PEPD: variants seen among roughly 807,000 people sequenced by gnomAD.
PEPD encodes the protein peptidase D.
A neutral mutation model predicts 60.7 loss-of-function variants in PEPD; 53 were observed. That is an observed-to-expected ratio of 0.87 (90% CI 0.70 to 1.10). The LOEUF (loss-of-function observed/expected upper bound fraction) is 1.10, where lower values mean the gene tolerates loss of function less well. Among genes scored for constraint, PEPD ranks in the 50% least tolerant of loss-of-function variants. PEPD has a pLI of 0.00. For synonymous variants in PEPD, 267 were observed against 284.1 expected (o/e 0.94, Z 0.60); for missense variants, 711 against 711.9 (o/e 1.00, Z 0.01).
chr19:33,404,436 G>T (rs972908884), intron 11 of PEPD, among the ~76,000 whole-genome samples: 2 of 148,712 alleles, frequency 1.3e-5, no homozygotes, highest in Non-Finnish European at 3.0e-5. Flanking sequence ...AGAAAAAGCA[G>T]AAACTGAACT....
chr19:33,507,758 TC>T (rs1970840756), intron 3 of PEPD, among the ~76,000 whole-genome samples: 1 of 152,076 alleles, frequency 6.6e-6, no homozygotes, highest in East Asian at 1.9e-4. Context: ...ATCTGGCCAC[TC>T]CCCAGCTCCA....
chr19:33,495,238 T>C (rs199737494), intron 4 of PEPD, among the ~76,000 whole-genome samples: 1 of 152,018 alleles, frequency 6.6e-6, no homozygotes, highest in East Asian at 1.9e-4. Flanking sequence ...CCAGCCACAG[T>C]GGATCATGCT....
At chr19:33,422,077 T>G (rs574160527) in intron 9 of PEPD, among the ~76,000 whole-genome samples, 1 of 152,218 alleles carries the variant, frequency 6.6e-6, no homozygotes, top group Admixed American at 6.5e-5. Context: ...ACCTCCCCCT[T>G]ACTCCCCTGT....
intron 3 of PEPD, among the ~76,000 whole-genome samples, chr19:33,508,585 C>T (rs537324850): frequency 5.9e-5 from 9 of 152,322 alleles, no homozygotes; most frequent in Admixed American, 1.3e-4. Flanking sequence ...GCCTCATGCA[C>T]GCTGGCGGCT....
chr19:33,416,262 T>C (rs1308461916), intron 9 of PEPD, among the ~76,000 whole-genome samples: 1 of 152,156 alleles, frequency 6.6e-6, no homozygotes, highest in Non-Finnish European at 1.5e-5. Context: ...GTCCCGTGGA[T>C]GACCGACATG....
At chr19:33,435,105 C>CCA (rs1969349655) in intron 9 of PEPD, among the ~76,000 whole-genome samples, 1 of 152,170 alleles carries the variant, frequency 6.6e-6, no homozygotes, top group African/African-American at 2.4e-5. Context: ...AATGAGGTGG[C>CCA]TGAGACGGTA....
At chr19:33,403,308 G>C (rs1968546105) in intron 11 of PEPD, among the ~76,000 whole-genome samples, 1 of 152,206 alleles carries the variant, frequency 6.6e-6, no homozygotes, top group South Asian at 2.1e-4. Context: ...TCTAGCCCTA[G>C]GACCAGAGCC....
chr19:33,521,750 G>A lies in PEPD; in HGVS notation c.11C>T (p.Ala4Val). The A allele has an allele frequency of 6.3e-7, 1 of 1,576,800 alleles. No individual in the cohort carries two copies. Among genetic ancestry groups the A allele is most frequent in the Non-Finnish European group, 8.6e-7 (1 of 1,166,910 alleles). ...AGGGAGGCGCAGCACTCACCCGGTG[G>A]CCGCCGCCATGTTCGCCCGGCACCG... MAAATGPSFWLGNE... is the reference protein window; with the variant it reads MAAVTGPSFWLGNE... The change falls in exon 1 of 15, where the codon GCC (alanine) becomes GTC (valine). Residue 4 changes from alanine (A) to valine (V), a missense_variant. By Grantham distance (64) the Ala-to-Val change is moderately conservative. Transcript: ENST00000244137.
At chr19:33,470,489 G>T (rs2145285118) in intron 7 of PEPD, among the ~76,000 whole-genome samples, 2 of 152,146 alleles carry the variant, frequency 1.3e-5, no homozygotes, top group South Asian at 4.2e-4. Flanking sequence ...CTAGGGGTCG[G>T]AGACGACCCC....
chr19:33,390,844 G>A (rs987280749), intron 13 of PEPD, among the ~76,000 whole-genome samples: 7 of 152,294 alleles, frequency 4.6e-5, no homozygotes, highest in Non-Finnish European at 1.0e-4. Context: ...GGGCTGCTCC[G>A]GGTTTGTGAG....
chr19:33,406,852 G>A (rs961171255), intron 11 of PEPD, among the ~76,000 whole-genome samples: 1 of 152,164 alleles, frequency 6.6e-6, no homozygotes, highest in South Asian at 2.1e-4. Flanking sequence ...ATCTAGCCAG[G>A]GAAGGAGGGG....
intron 9 of PEPD, among the ~76,000 whole-genome samples, chr19:33,424,998 AAAC>A (rs920252147): frequency 8.5e-6 from 1 of 117,612 alleles, no homozygotes; most frequent in African/African-American, 2.8e-5. Flanking sequence ...ACAAAAAAAC[AAAC>A]AACAACAACA....
chr19:33,412,657 T>C (rs1968803697), intron 10 of PEPD, among the ~76,000 whole-genome samples: 1 of 152,258 alleles, frequency 6.6e-6, no homozygotes, highest in African/African-American at 2.4e-5. Context: ...TCAGGAGTCT[T>C]GGGAATCATA....
intron 9 of PEPD, among the ~76,000 whole-genome samples, chr19:33,450,748 G>C (rs1486728347): frequency 6.6e-6 from 1 of 152,152 alleles, no homozygotes; most frequent in African/African-American, 2.4e-5. Context: ...AGAAGGTAGG[G>C]GAAAGGGAGA....
intron 7 of PEPD, among the ~76,000 whole-genome samples, chr19:33,470,002 C>T (rs189330715): frequency 8.6e-4 from 131 of 152,086 alleles, no homozygotes; most frequent in African/African-American, 2.9e-3. Context: ...GTGCGAGAAC[C>T]CCCACCGTGC....
chr19:33,512,774 G>C lies in PEPD; in HGVS notation c.20C>G (p.Pro7Arg). 1 of 1,613,960 alleles carries C rather than the reference G, an allele frequency of 6.2e-7. No individual in the cohort carries two copies. The highest frequency in any genetic ancestry group is 1.1e-5 in the South Asian group (1 of 91,070). ...GGTTTCATTCCCCAGCCAAAACGAG[G>C]GTCTGCAGAGGCAAGAGCACACACC... Reference protein sequence around the residue: MAAATGPSFWLGNETLK... With the variant: MAAATGRSFWLGNETLK... The change falls in exon 2 of 15, where the codon CCC becomes CGC. Residue 7 changes from proline (P) to arginine (R), a missense_variant and splice_region_variant. Pro to Arg is a moderately radical substitution (Grantham distance 103). Transcript: ENST00000244137.
intron 7 of PEPD, among the ~76,000 whole-genome samples, chr19:33,469,517 G>C (rs943601662): frequency 8.5e-5 from 13 of 152,126 alleles, no homozygotes; most frequent in Non-Finnish European, 1.6e-4. Context: ...CAGCAGATGG[G>C]TCCACTCTCA....
chr19:33,484,807 C>T (rs2145308108), intron 6 of PEPD, among the ~76,000 whole-genome samples: 1 of 152,228 alleles, frequency 6.6e-6, no homozygotes, highest in Admixed American at 6.5e-5. Flanking sequence ...CAGAGAAACA[C>T]AATCAGACAC....
At chr19:33,421,772 G>A (rs747347937) in intron 9 of PEPD, among the ~76,000 whole-genome samples, 1 of 152,114 alleles carries the variant, frequency 6.6e-6, no homozygotes, top group Non-Finnish European at 1.5e-5. Context: ...CGGTATTACA[G>A]GTGTGAGCCA....
Sources: gnomAD v4.1 joint callset for allele counts (sites outside exome capture counted in the v4.1 genomes callset) on GRCh38, gnomAD v4.1.1 for gene constraint, MANE v1.5 for transcripts, NCBI Gene and HGNC (gene_info 2026-07-23, HGNC 2026-07-21) for gene names.